The following HELLS variants were observed in gnomAD, a reference collection of about 807,000 sequenced individuals.
The protein encoded by HELLS is lymphoid-specific helicase.
In HELLS, 32 loss-of-function variants were observed where a neutral mutation model predicts 120.0. The ratio of observed to expected loss-of-function variants is 0.27; its 90% CI spans 0.20 to 0.36. The LOEUF (loss-of-function observed/expected upper bound fraction) is 0.36. Among genes scored for constraint, HELLS ranks in the 10% least tolerant of loss-of-function variants. HELLS has a pLI of 1.00. For synonymous variants in HELLS, 341 were observed against 323.4 expected (o/e 1.05, Z -0.58); for missense variants, 650 against 993.4 (o/e 0.65, Z 4.65).
At chr10:94,594,594 A>G (rs925646908) in intron 18 of HELLS, 101 bp from the exon 19 acceptor site, 1 of 823,266 alleles carries the variant, frequency 1.2e-6, no homozygotes, top group Non-Finnish European at 1.8e-6. Context: ...ACCACTATTT[A>G]AAAGTTCCTG....
Position 94,565,379 on chromosome 10 carries a change from A to G in HELLS, c.435+2503A>G, listed in dbSNP as rs555792818. ...TCCACTGAAATTCATTATGGTATCT[A>G]TTCAACTTGCAGTTTAAAACACTTT... On this transcript the variant is annotated intron_variant, in intron 6 of 21. Coordinates refer to ENST00000348459, the MANE Select transcript of HELLS (RefSeq NM_018063.5). Among the ~76,000 whole-genome samples the G allele has an allele frequency of 3.9e-5, 6 of 152,016 alleles. No individual in the cohort carries two copies. The South Asian group carries it at 1.0e-3, about 26-fold the overall frequency.
chr10:94,576,531 T>A, intron 9 of HELLS, 131 bp from the exon 10 acceptor site: 1 of 500,068 alleles, frequency 2.0e-6, no homozygotes, highest in Non-Finnish European at 3.4e-6. Context: ...TTGGCTTATT[T>A]TGCTATAGAA....
chr10:94,566,729 C>T (rs1390488460), intron 6 of HELLS, among the ~76,000 whole-genome samples: 4 of 150,150 alleles, frequency 2.7e-5, no homozygotes, highest in African/African-American at 7.4e-5. Flanking sequence ...CTCACTGCAA[C>T]CTCCGTCTCC....
exon 10 of HELLS, chr10:94,611,399 C>T (rs148089354): frequency 2.6e-5 from 4 of 152,204 alleles, no homozygotes; most frequent in African/African-American, 7.2e-5. Context: ...AAAGAGACCA[C>T]CACCACTACT....
rs569373923 is a variant in HELLS at position 94,574,804 on chromosome 10, A to G, written c.888+68A>G. The stretch of plus-strand genomic sequence containing the variant: ...TTTCTTATGCTTTGTTGTAGTAGGA[A>G]TTAAATTGTAGAACTCTTATAATTA... On this transcript the variant is annotated intron_variant, in intron 9 of 21. Transcript: ENST00000348459. 8 of 1,266,806 alleles carry G rather than the reference A, an allele frequency of 6.3e-6. No homozygotes were observed. The East Asian group carries it at 7.0e-5, about 11-fold the overall frequency. The allele number at this position is 1,266,806 out of a possible 1,614,324, so 78.5% of individuals were successfully genotyped here. A position where few individuals can be genotyped will look rare whatever the true frequency, so the allele number is the denominator to read the frequency against.
rs374850005 is a variant in HELLS, at chr10:94,588,313, C to T, written c.1411C>T (p.Pro471Ser). 58 of 1,611,720 alleles carry T rather than the reference C, an allele frequency of 3.6e-5. No homozygotes were observed. The highest frequency in any genetic ancestry group is 1.3e-5 in the African/African-American group (1 of 74,862). ...PPKREVVVYA[P>S]LSKKQEIFYT... ...TAAACGAGAAGTAGTCGTTTATGCTCCACTTTCAAAGAAGCAGGAGATCTT... is the reference window on the plus strand; with the variant it reads ...TAAACGAGAAGTAGTCGTTTATGCTTCACTTTCAAAGAAGCAGGAGATCTT... Residue 471 changes from proline to serine, a missense_variant, in exon 13 of 22, where the codon CCA becomes TCA. Physicochemically the swap from Pro to Ser is moderately conservative, Grantham distance 74. Around this residue, in one of 9 missense-constraint regions of HELLS, gnomAD observed 191 missense variants for 259.7 expected, o/e 0.74. Transcript: ENST00000348459.
At chr10:94,612,463 T>G (rs1233163360) in exon 10 of HELLS, 1 of 152,252 alleles carries the variant, frequency 6.6e-6, no homozygotes, top group African/African-American at 2.4e-5. Context: ...TTTCCTCATA[T>G]TCACAAGTGA....
chr10:94,598,584 A>T (rs1845857531), intron 21 of HELLS, among the ~76,000 whole-genome samples: 2 of 150,642 alleles, frequency 1.3e-5, no homozygotes, highest in South Asian at 4.3e-4. Context: ...TATTGAATCA[A>T]AATAAAATAT....
downstream of HELLS, among the ~76,000 whole-genome samples, chr10:94,602,254 CAA>C (rs1364454710): frequency 2.6e-5 from 4 of 152,132 alleles, no homozygotes; most frequent in East Asian, 1.9e-4. Context: ...TGTGTTAGCA[CAA>C]GAGAAGTTTC....
chr10:94,605,643 CTTTTTTTT>C (rs1206815493), downstream of HELLS, among the ~76,000 whole-genome samples: 1 of 125,106 alleles, frequency 8.0e-6, no homozygotes, highest in East Asian at 2.2e-4. Context: ...TTAATGGTTC[CTTTTTTTT>C]TTTTTTTTTT....
At chr10:94,580,185 ATTT>A (rs57237348) in intron 10 of HELLS, among the ~76,000 whole-genome samples, 86 of 69,376 alleles carry the variant, frequency 1.2e-3, no homozygotes, top group African/African-American at 4.5e-3. Context: ...ACACACACAC[ATTT>A]TTTTTTTTTT....
chr10:94,592,472 C>T lies in HELLS; in HGVS notation c.1929C>T (p.Ser643=), dbSNP rs1168745253. Residue 643 remains serine (S), a synonymous_variant, in exon 17 of 22, where the codon AGC becomes AGT. Transcript: ENST00000348459. The part of the protein sequence containing the change: ...DYCHLRDFNF[S]RLDGSMSYSE... ...GCCATCTCAGAGATTTCAACTTCAG[C>T]AGGCTTGATGGGTCCATGTCTTACT... The T allele has an allele frequency of 6.3e-7, 1 of 1,577,596 alleles. No homozygotes were observed. The highest frequency in any genetic ancestry group is 1.4e-5 in the African/African-American group (1 of 73,058).
chr10:94,574,046 T>C lies in HELLS; in HGVS notation c.564T>C (p.Ser188=), dbSNP rs559793100. ...DSNSIIKDRL[S]ETVRQNTKFF... is the part of the protein sequence containing the mutation. Reference sequence around the variant, plus strand: ...ATAGTATAATTAAAGATAGATTGTCTGAAACGGTTAGGCAGAATACTAAAT... The same window carrying C: ...ATAGTATAATTAAAGATAGATTGTCCGAAACGGTTAGGCAGAATACTAAAT... Residue 188 remains serine (S), a synonymous_variant, in exon 8 of 22, where the codon TCT becomes TCC. Transcript: ENST00000348459. The C allele has an allele frequency of 1.2e-6, 2 of 1,611,978 alleles. No individual in the cohort carries two copies.
downstream of HELLS, among the ~76,000 whole-genome samples, chr10:94,603,900 T>C (rs778759594): frequency 6.6e-6 from 1 of 152,182 alleles, no homozygotes. Flanking sequence ...CAATCTCAGC[T>C]GACTGCAATC....
chr10:94,553,329 A>G lies in HELLS; in HGVS notation c.154-797A>G, dbSNP rs188378377. Among the ~76,000 whole-genome samples the G allele has an allele frequency of 3.6e-3, 545 of 151,598 alleles. 2 individuals carry two copies. The highest frequency in any genetic ancestry group is 0.013 in the African/African-American group (520 of 41,298). On this transcript the variant is annotated intron_variant, in intron 2 of 21. Transcript: ENST00000348459. ...AGTGGTGCCATCTCAGCTCACTGCA[A>G]CCTCCGCTTCCCGGGTTTAAGCAAT...
At chr10:94,576,398 T>G (rs1358263787) in intron 9 of HELLS, among the ~76,000 whole-genome samples, 1 of 152,184 alleles carries the variant, frequency 6.6e-6, no homozygotes, top group Non-Finnish European at 1.5e-5. Context: ...GAGATCGGCT[T>G]GCCTTGGCTT....
intron 9 of HELLS, among the ~76,000 whole-genome samples, chr10:94,575,947 G>A (rs561468410): frequency 2.0e-5 from 3 of 152,052 alleles, no homozygotes; most frequent in East Asian, 1.9e-4. Flanking sequence ...ACGGGCGTGC[G>A]CCACCACGCC....
At position 94,596,849 on chromosome 10, in the gene HELLS, AT is replaced by A. The variant is rs763088239; in HGVS notation, c.2249-3del. 1.0e-4 allele frequency: 132 copies of A among 1,322,200 alleles called. No individual in the cohort carries two copies. The highest frequency in any genetic ancestry group is 1.2e-4 in the Non-Finnish European group (115 of 931,420). The allele number at this position is 1,322,200 out of a possible 1,614,324, so 81.9% of individuals were successfully genotyped here. ...GGAATTTTAATGTTTTTAATTTCTC[AT>A]TTTTTTTAGATCATTTCAAAGGTGG... On this transcript the variant is annotated splice_polypyrimidine_tract_variant and intron_variant, in intron 19 of 21. Coordinates refer to ENST00000348459, the MANE Select transcript of HELLS (RefSeq NM_018063.5).
chr10:94,571,515 G>A (rs577804427), intron 7 of HELLS, 86 bp downstream of exon 7: 34 of 1,103,376 alleles, frequency 3.1e-5, no homozygotes, highest in South Asian at 6.1e-5. Flanking sequence ...AGCAGTATAC[G>A]TTCTTCTCAC....
Sources: allele counts gnomAD v4.1 joint callset (sites outside exome capture counted in the v4.1 genomes callset), GRCh38; gene constraint gnomAD v4.1.1; regional missense constraint gnomAD v4.1.1; transcripts MANE v1.5; gene names NCBI Gene and HGNC (gene_info 2026-07-23, HGNC 2026-07-21).